PCDHA11: variants seen among roughly 807,000 people sequenced by gnomAD.
PCDHA11 encodes protocadherin alpha-11.
A neutral mutation model predicts 70.3 loss-of-function variants in PCDHA11; 61 were observed. The observed-to-expected ratio is 0.87, with a 90% CI of 0.71 to 1.07. The LOEUF is 1.07. Ranked by LOEUF, PCDHA11 falls within the 50% of genes least tolerant of loss-of-function variation. The pLI, the probability that PCDHA11 is intolerant of heterozygous loss-of-function variation, is 0.00. For missense variants in PCDHA11, 1,324 were observed against 1,237.5 expected (o/e 1.07, Z -1.05); for synonymous variants, 633 against 555.1 (o/e 1.14, Z -1.97).
intron 1 of PCDHA11, among the ~76,000 whole-genome samples, chr5:140,976,886 AC>A (rs2096735847): frequency 6.6e-6 from 1 of 152,232 alleles, no homozygotes; most frequent in African/African-American, 2.4e-5. Flanking sequence ...GAATTAGGAT[AC>A]ATGCAACAGT....
chr5:140,973,390 AATC>A (rs1554235235), intron 1 of PCDHA11, among the ~76,000 whole-genome samples: 1 of 152,224 alleles, frequency 6.6e-6, no homozygotes, highest in East Asian at 1.9e-4. Context: ...TAGACAAAGA[AATC>A]ATATCTATGA....
chr5:140,956,953 C>G (rs1347983778), intron 1 of PCDHA11, among the ~76,000 whole-genome samples: 1 of 135,202 alleles, frequency 7.4e-6, no homozygotes, highest in Non-Finnish European at 1.7e-5. Flanking sequence ...CATTAAAACA[C>G]TGTAATTAAT....
At chr5:140,921,967 G>GA (rs2080533534) in intron 1 of PCDHA11, among the ~76,000 whole-genome samples, 1 of 151,284 alleles carries the variant, frequency 6.6e-6, no homozygotes, top group Non-Finnish European at 1.5e-5. Context: ...AAAACCAAAG[G>GA]AAAAAATAGA....
chr5:140,961,114 A>G (rs2095591473), intron 1 of PCDHA11, among the ~76,000 whole-genome samples: 1 of 152,212 alleles, frequency 6.6e-6, no homozygotes, highest in African/African-American at 2.4e-5. Flanking sequence ...ACCCCCTTGC[A>G]TCTTAATGTC....
intron 1 of PCDHA11, among the ~76,000 whole-genome samples, chr5:140,912,449 A>G (rs2075925716): frequency 6.6e-6 from 1 of 151,398 alleles, no homozygotes; most frequent in South Asian, 2.1e-4. Flanking sequence ...GTGTGCATTG[A>G]TTTTGTATCC....
intron 1 of PCDHA11, among the ~76,000 whole-genome samples, chr5:140,976,160 T>A (rs1554237376): frequency 6.6e-6 from 1 of 152,196 alleles, no homozygotes; most frequent in Admixed American, 6.5e-5. Context: ...TTTTACTACT[T>A]TTAGTTTTGT....
At chr5:140,925,643 T>TAATAATAATAAG (rs1195362666) in intron 1 of PCDHA11, among the ~76,000 whole-genome samples, 1 of 99,548 alleles carries the variant, frequency 1.0e-5, no homozygotes, top group Non-Finnish European at 2.0e-5. Context: ...ACTTAAAGTA[T>TAATAATAATAAG]AATAATAATA....
At chr5:140,903,515 G>T (rs542642607) in intron 1 of PCDHA11, among the ~76,000 whole-genome samples, 1 of 152,244 alleles carries the variant, frequency 6.6e-6, no homozygotes, top group Non-Finnish European at 1.5e-5. Context: ...TAGTTCTATT[G>T]TGTTGTTCAC....
At chr5:140,991,782 C>A (rs1257930918) in intron 3 of PCDHA11, among the ~76,000 whole-genome samples, 1 of 152,158 alleles carries the variant, frequency 6.6e-6, no homozygotes, top group Non-Finnish European at 1.5e-5. Flanking sequence ...AGACTCTGCC[C>A]ATTTCCCAAT....
At chr5:140,968,460 C>G (rs1554230749) in intron 1 of PCDHA11, 1 of 1,614,096 alleles carries the variant, frequency 6.2e-7, no homozygotes, top group Non-Finnish European at 8.5e-7. Flanking sequence ...ACTGTGACTG[C>G]CAACGTATAT....
chr5:140,980,504 C>G (rs1440940887), intron 2 of PCDHA11, among the ~76,000 whole-genome samples: 4 of 152,122 alleles, frequency 2.6e-5, no homozygotes, highest in Non-Finnish European at 5.9e-5. Flanking sequence ...ATGGCATGTG[C>G]CTGTAGTTCC....
chr5:140,959,060 T>C (rs1201389008), intron 1 of PCDHA11, among the ~76,000 whole-genome samples: 1 of 152,138 alleles, frequency 6.6e-6, no homozygotes, highest in Admixed American at 6.5e-5. Context: ...AAATGCAGTA[T>C]ATATAGAATT....
chr5:140,927,191 T>G, intron 1 of PCDHA11: 1 of 1,614,144 alleles, frequency 6.2e-7, no homozygotes. Flanking sequence ...TACGACCTGG[T>G]GCTCGAGGAC....
intron 1 of PCDHA11, among the ~76,000 whole-genome samples, chr5:140,873,668 T>G (rs1315193684): frequency 6.6e-6 from 1 of 152,206 alleles, no homozygotes; most frequent in Non-Finnish European, 1.5e-5. Flanking sequence ...TATTATTATT[T>G]GTTTCTTTTT....
rs2093245729 is a variant in PCDHA11 at position 140,942,201 on chromosome 5, G to A, written c.2392-36748G>A. Among the ~76,000 whole-genome samples, 3 of 151,938 alleles carry A rather than the reference G, an allele frequency of 2.0e-5. No individual in the cohort carries two copies. The South Asian group carries it at 6.2e-4, about 32-fold the overall frequency. On this transcript the variant is annotated intron_variant, in intron 1 of 3. Coordinates refer to ENST00000398640, the MANE Select transcript of PCDHA11 (RefSeq NM_018902.5). Reference sequence around the variant, plus strand: ...GACATTTTATTTAAAATACATTTTTGAGCATAAGATATTTAAAATGTGTAG... The same window carrying A: ...GACATTTTATTTAAAATACATTTTTAAGCATAAGATATTTAAAATGTGTAG...
intron 1 of PCDHA11, among the ~76,000 whole-genome samples, chr5:140,878,377 T>C (rs2057568265): frequency 6.6e-6 from 1 of 152,274 alleles, no homozygotes; most frequent in Non-Finnish European, 1.5e-5. Flanking sequence ...ATATGATGAA[T>C]GATTTTCTTC....
At chr5:140,999,605 G>T (rs1587843541) in intron 3 of PCDHA11, among the ~76,000 whole-genome samples, 2 of 152,132 alleles carry the variant, frequency 1.3e-5, no homozygotes, top group Admixed American at 1.3e-4. Context: ...CATCCTGGGG[G>T]ACCTTATCAA....
At chr5:140,946,295 C>T (rs543000779) in intron 1 of PCDHA11, among the ~76,000 whole-genome samples, 2 of 151,940 alleles carry the variant, frequency 1.3e-5, no homozygotes, top group South Asian at 4.1e-4. Context: ...TCACCTCACA[C>T]CTGGTAGAAT....
chr5:141,002,923 C>T (rs1261794185), intron 3 of PCDHA11, among the ~76,000 whole-genome samples: 6 of 152,220 alleles, frequency 3.9e-5, no homozygotes, highest in African/African-American at 1.2e-4. Flanking sequence ...AAAGTGAACA[C>T]CCTCCAACAC....
Sources: gnomAD v4.1 joint callset for allele counts (sites outside exome capture counted in the v4.1 genomes callset) on GRCh38, gnomAD v4.1.1 for gene constraint, MANE v1.5 for transcripts, NCBI Gene and HGNC (gene_info 2026-07-23, HGNC 2026-07-21) for gene names.